ANKRD62: variants seen among roughly 807,000 people sequenced by gnomAD.
ANKRD62 encodes the protein ankyrin repeat domain 62, also known as ankyrin repeat domain-containing protein 62.
ANKRD62 carries 61 observed loss-of-function variants against 98.8 expected under a neutral mutation model. That is an observed-to-expected ratio of 0.62 (90% CI 0.50 to 0.76). The LOEUF (loss-of-function observed/expected upper bound fraction) is 0.76. Ranked by LOEUF, ANKRD62 falls within the 30% of genes least tolerant of loss-of-function variation. The pLI, the probability that ANKRD62 is intolerant of heterozygous loss-of-function variation, is 0.00. For missense variants in ANKRD62, 933 were observed against 1,082.9 expected, an observed-to-expected ratio of 0.86 and a Z score of 1.94; for synonymous variants, 341 against 367.9, an observed-to-expected ratio of 0.93 and a Z score of 0.84.
chr18:12,146,399 C>A, the ANKRD62 span, among the ~76,000 whole-genome samples: 1 of 152,156 alleles, frequency 6.6e-6, no homozygotes, highest in Non-Finnish European at 1.5e-5. Context: ...AAGAGACCCC[C>A]AGCACAGCAC....
chr18:12,126,393 A>T lies in ANKRD62; in HGVS notation c.2562+10A>T, dbSNP rs1281483948. The T allele has an allele frequency of 6.7e-7, 1 of 1,497,664 alleles. No homozygotes were observed. The highest frequency in any genetic ancestry group is 8.8e-7 in the Non-Finnish European group (1 of 1,130,284). 92.8% of individuals were successfully genotyped at this position (1,497,664 alleles called of 1,614,324 possible). A position where few individuals can be genotyped will look rare whatever the true frequency, so the allele number is the denominator to read the frequency against. ...GAAAGAAGAAAGAGAAGTAAGTATCAAGAAAGATAAGTATTTTTCAAACTT... is the reference window on the plus strand; with the variant it reads ...GAAAGAAGAAAGAGAAGTAAGTATCTAGAAAGATAAGTATTTTTCAAACTT... On this transcript the variant is annotated intron_variant, in intron 13 of 13. Transcript: ENST00000587848.
the ANKRD62 span, among the ~76,000 whole-genome samples, chr18:12,172,957 A>G: frequency 6.6e-6 from 1 of 152,204 alleles, no homozygotes; most frequent in Non-Finnish European, 1.5e-5. Flanking sequence ...ACCATAGGAA[A>G]AGCGCAGTAT....
chr18:12,171,401 T>A, the ANKRD62 span, among the ~76,000 whole-genome samples: 1 of 152,208 alleles, frequency 6.6e-6, no homozygotes, highest in Admixed American at 6.5e-5. Context: ...TTATGAAACT[T>A]AGTTTGGCTG....
At chr18:12,100,903 G>T (rs1173143096) in intron 6 of ANKRD62, among the ~76,000 whole-genome samples, 1 of 152,136 alleles carries the variant, frequency 6.6e-6, no homozygotes, top group Non-Finnish European at 1.5e-5. Context: ...CCCAACTCTA[G>T]GCTCAGCACA....
the ANKRD62 span, among the ~76,000 whole-genome samples, chr18:12,168,519 G>T: frequency 2.0e-5 from 3 of 152,172 alleles, no homozygotes; most frequent in African/African-American, 7.2e-5. Flanking sequence ...CCATTACCAT[G>T]CTGTTCTGAT....
chr18:12,127,796 C>A lies in ANKRD62; in HGVS notation c.2611C>A (p.Gln871Lys), dbSNP rs865818882. 1.0e-5 allele frequency: 15 copies of A among 1,499,776 alleles called. No individual in the cohort carries two copies. In the African/African-American group the frequency reaches 2.0e-4, roughly 20 times the overall value. The allele number at this position is 1,499,776 out of a possible 1,614,324, so 92.9% of individuals were successfully genotyped here. Residue 871 changes from glutamine to lysine, a missense_variant, in exon 14 of 14, where the codon CAA becomes AAA. Physicochemically the swap from Gln to Lys is moderately conservative, Grantham distance 53. Transcript: ENST00000587848. The part of the protein sequence containing the change: ...QREVDDALNK[Q>K]LLLEAMLEIS... ...AGAAGTGGATGATGCCCTGAACAAA[C>A]AATTGCTGTTAGAAGCTATGCTAGA...
chr18:12,115,468 G>GA lies in ANKRD62; in HGVS notation c.1175dup (p.Leu393ValfsTer5), dbSNP rs1266310289. ...ATCTGAAAAAACCTCAGAGGATGAT[G>GA]AGTTGCCTTACTCTGATGATGAGAA... On this transcript the variant is annotated frameshift_variant, in exon 10 of 14. Coordinates refer to ENST00000587848, the MANE Select transcript of ANKRD62 (RefSeq NM_001277333.2). LOFTEE classifies it high-confidence loss of function. 2.0e-6 allele frequency: 3 copies of GA among 1,537,348 alleles called. No individual in the cohort carries two copies. The highest frequency in any genetic ancestry group is 2.6e-6 in the Non-Finnish European group (3 of 1,146,460).
intron 13 of ANKRD62, 98 bp from the exon 14 acceptor site, chr18:12,127,650 G>C (rs1220000979): frequency 6.1e-6 from 5 of 815,066 alleles, no homozygotes; most frequent in Non-Finnish European, 8.6e-6. Context: ...AGTGTGTGGT[G>C]GTATTTTTCG....
chr18:12,117,295 A>G (rs1343583288), intron 10 of ANKRD62, among the ~76,000 whole-genome samples: 1 of 152,202 alleles, frequency 6.6e-6, no homozygotes, highest in Non-Finnish European at 1.5e-5. Context: ...GTAATATGAG[A>G]GCAGCCCTAG....
the ANKRD62 span, among the ~76,000 whole-genome samples, chr18:12,145,193 G>A: frequency 2.6e-5 from 4 of 152,154 alleles, no homozygotes; most frequent in African/African-American, 9.7e-5. Context: ...ACTCTCTGAA[G>A]GCCAAAGGCT....
At chr18:12,136,268 C>T in the ANKRD62 span, among the ~76,000 whole-genome samples, 1 of 151,862 alleles carries the variant, frequency 6.6e-6, no homozygotes, top group Non-Finnish European at 1.5e-5. Context: ...ATATGGCTAG[C>T]CAGTTTTCCC....
the ANKRD62 span, among the ~76,000 whole-genome samples, chr18:12,172,822 C>G: frequency 1.7e-3 from 255 of 152,326 alleles, no homozygotes; most frequent in African/African-American, 5.8e-3. Context: ...CTCCCCTCCC[C>G]CAACCTCACT....
Position 12,125,741 on chromosome 18 carries a change from G to T in ANKRD62, c.1920G>T (p.Gln640His), listed in dbSNP as rs1909875671. The T allele has an allele frequency of 1.2e-5, 18 of 1,545,296 alleles. No individual in the cohort carries two copies. Among genetic ancestry groups the T allele is most frequent in the Non-Finnish European group, 1.6e-5 (18 of 1,146,964 alleles). The stretch of plus-strand genomic sequence containing the variant: ...ATACAATGCTCAATTCTGAGCTACA[G>T]AAGGAAAAACAAAGCATGTCAAGAC... The part of the protein sequence containing the change: ...DENTMLNSEL[Q>H]KEKQSMSRLE... Residue 640 changes from glutamine (Q) to histidine (H), a missense_variant, in exon 13 of 14, where the codon CAG (glutamine) becomes CAT (histidine). Transcript: ENST00000587848.
the ANKRD62 span, among the ~76,000 whole-genome samples, chr18:12,169,455 A>G: frequency 6.6e-6 from 1 of 151,810 alleles, no homozygotes; most frequent in Admixed American, 6.6e-5. Flanking sequence ...CGTATGTTGA[A>G]CCAGCCTTGC....
At chr18:12,117,392 G>A (rs34652396) in intron 10 of ANKRD62, among the ~76,000 whole-genome samples, 36,679 of 152,088 alleles carry the variant, frequency 0.24, 4,659 homozygotes, top group Middle Eastern at 0.33. Flanking sequence ...TAAACCTATT[G>A]TGTGGTCATG....
the ANKRD62 span, among the ~76,000 whole-genome samples, chr18:12,167,130 T>A: frequency 6.6e-6 from 1 of 151,602 alleles, no homozygotes; most frequent in Non-Finnish European, 1.5e-5. Context: ...CTAAGTTTTT[T>A]AAATTTTATT....
At position 12,129,673 on chromosome 18, in the gene ANKRD62, G is replaced by A. The variant is rs367659002; in HGVS notation, c.*1734G>A. 130 of 150,092 alleles carry A rather than the reference G, an allele frequency of 8.7e-4. No homozygotes were observed. Among genetic ancestry groups the A allele is most frequent in the Admixed American group, 3.5e-3 (52 of 14,918 alleles). The allele number at this position is 150,092 out of a possible 1,614,324, so 9.3% of individuals were successfully genotyped here. On this transcript the variant is annotated 3_prime_UTR_variant, in exon 14 of 14. Transcript: ENST00000587848. ...TGAGGCAGGAGAATGGTATGAACCC[G>A]GGAGGCGGAGCTTGCGGTGAGCCGA...
chr18:12,138,683 G>C, the ANKRD62 span, among the ~76,000 whole-genome samples: 2 of 152,168 alleles, frequency 1.3e-5, no homozygotes, highest in Non-Finnish European at 2.9e-5. Context: ...GGGAGTCTAA[G>C]TCTGTTTGTA....
At chr18:12,170,078 T>C in the ANKRD62 span, among the ~76,000 whole-genome samples, 5 of 152,176 alleles carry the variant, frequency 3.3e-5, no homozygotes, top group Non-Finnish European at 7.4e-5. Context: ...TTCAAAAAAC[T>C]AGCTCCTGGA....
Sources: gnomAD v4.1 joint callset for allele counts (sites outside exome capture counted in the v4.1 genomes callset) on GRCh38, gnomAD v4.1.1 for gene constraint, MANE v1.5 for transcripts, NCBI Gene and HGNC (gene_info 2026-07-23, HGNC 2026-07-21) for gene names.